The following TMC6 variants were observed in gnomAD, a reference collection of about 807,000 sequenced individuals.
TMC6 encodes transmembrane channel like 6.
TMC6 carries 71 observed loss-of-function variants against 95.4 expected under a neutral mutation model. The observed-to-expected ratio is 0.74, with a 90% confidence interval of 0.61 to 0.91. TMC6 has a LOEUF of 0.91. TMC6 is among the 40% of genes least tolerant of loss of function. TMC6 has a pLI of 0.00. For synonymous variants in TMC6, 514 were observed against 483.1 expected (o/e 1.06, Z -0.84); for missense variants, 1,074 against 1,079.1 (o/e 1.00, Z 0.07).
At chr17:78,131,850 T>C (rs1486084586), upstream of TMC6, 9 of 1,470,602 alleles carry the variant, frequency 6.1e-6, no homozygotes, top group Non-Finnish European at 7.2e-6. Context: ...GGCGGGTGAC[T>C]CAGGGGCGCC....
At position 78,126,258 on chromosome 17, in the gene TMC6, G is replaced by A. The variant is rs1265617239; in HGVS notation, c.271+19C>T. The A allele has an allele frequency of 2.6e-6, 4 of 1,547,716 alleles. No individual in the cohort carries two copies. The highest frequency in any genetic ancestry group is 1.9e-5 in the Admixed American group (1 of 51,484). The stretch of plus-strand genomic sequence containing the variant: ...AACTCGGGGCCGGGGCCGAGGCCGA[G>A]GCTGAGGGTCCCACTCACCAATGGT... On this transcript the variant is annotated intron_variant, in intron 4 of 19. Transcript: ENST00000590602.
rs750496364 is a variant in TMC6 at position 78,124,937 on chromosome 17, G to A, written c.585C>T (p.Ser195=). ...PRGKWRGQPG[S]GGVCSCCGRL... is the part of the protein sequence containing the mutation. ...GGCCACAGCAGGAGCAGACCCCGCCGCTGCCCGGCTGGCCCCTCCACTTCC... is the reference window on the plus strand; with the variant it reads ...GGCCACAGCAGGAGCAGACCCCGCCACTGCCCGGCTGGCCCCTCCACTTCC... Residue 195 remains serine, a synonymous_variant, in exon 7 of 20, where the codon AGC becomes AGT. Coordinates refer to ENST00000590602, the MANE Select transcript of TMC6 (RefSeq NM_001127198.5). The A allele has an allele frequency of 1.8e-5, 29 of 1,601,026 alleles. No individual in the cohort carries two copies. The highest frequency in any genetic ancestry group is 3.4e-5 in the Admixed American group (2 of 58,914).
Position 78,108,809 on chromosome 17 carries a change from T to C in TMC6, c.*4339A>G, listed in dbSNP as rs992230825. 6.6e-6 allele frequency: 1 copy of C among 152,222 alleles called. No individual in the cohort carries two copies. The highest frequency in any genetic ancestry group is 2.1e-4 in the South Asian group (1 of 4,834). The allele number at this position is 152,222 out of a possible 1,614,324, so 9.4% of individuals were successfully genotyped here. ...ATATTTTTTTAAGTTTATTAAATTT[T>C]TTTTTAAATGGCAGTTTCAGACCTG... On this transcript the variant is annotated 3_prime_UTR_variant, in exon 20 of 20. Transcript: ENST00000590602.
intron 8 of TMC6, 137 bp from the exon 9 acceptor site, chr17:78,124,316 G>C (rs2145335506): frequency 7.5e-7 from 1 of 1,340,162 alleles, no homozygotes; most frequent in Admixed American, 2.1e-5. Context: ...CTTGGCCACA[G>C]CAATCTTGGG....
At chr17:78,132,066 C>T (rs1311051432), upstream of TMC6, 2 of 1,534,828 alleles carry the variant, frequency 1.3e-6, no homozygotes, top group Middle Eastern at 1.7e-4. Context: ...CCCTTGCCCT[C>T]TCTGGAGCCC....
chr17:78,113,431 A>G, intron 19 of TMC6, 117 bp downstream of exon 19: 2 of 1,350,576 alleles, frequency 1.5e-6, no homozygotes, highest in Non-Finnish European at 2.1e-6. Flanking sequence ...TTGTAGGTCA[A>G]AAGCGGTCAA....
chr17:78,130,567 T>C (rs528988222), upstream of TMC6: 1 of 152,194 alleles, frequency 6.6e-6, no homozygotes, highest in Non-Finnish European at 1.5e-5. Flanking sequence ...AGGGGAAGGG[T>C]GGGCCACCCG....
chr17:78,120,506 G>A, intron 13 of TMC6, 147 bp downstream of exon 13: 1 of 1,246,634 alleles, frequency 8.0e-7, no homozygotes, highest in Non-Finnish European at 1.2e-6. Context: ...CTAAAAATGA[G>A]TTCGGTTCTA....
In TMC6 at chr17:78,121,595, G is replaced by A. The variant is rs146404867; in HGVS notation, c.1344C>T (p.Cys448=). The part of the protein sequence containing the change: ...WLLCLGTALG[C]AVAVHVFSEF... ...CCGAGAAGACGTGGACGGCCACGGC[G>A]CAGCCCAGCGCGGTCCCCAGACACA... is the stretch of plus-strand genomic sequence containing the variant. Residue 448 remains cysteine (C), a synonymous_variant, in exon 11 of 20, where the codon TGC becomes TGT. Transcript: ENST00000590602. The surrounding 1 kb of genome is among the most constrained non-coding windows in gnomAD (Gnocchi z 5.6). The A allele has an allele frequency of 1.2e-4, 201 of 1,611,314 alleles. No homozygotes were observed. Among genetic ancestry groups the A allele is most frequent in the Middle Eastern group, 1.8e-4 (1 of 5,506 alleles).
At chr17:78,124,355 A>G in intron 8 of TMC6, 169 bp downstream of exon 8, 2 of 1,337,244 alleles carry the variant, frequency 1.5e-6, no homozygotes, top group South Asian at 2.6e-5. Flanking sequence ...CCCCAGCACG[A>G]TGAGCATCCA....
chr17:78,115,556 A>G (rs910430054), intron 18 of TMC6, among the ~76,000 whole-genome samples: 2 of 152,010 alleles, frequency 1.3e-5, no homozygotes, highest in South Asian at 2.1e-4. Context: ...CCGGGGGGAA[A>G]GTGCCTTGTC....
At chr17:78,127,881 C>T (rs1392984768) in intron 1 of TMC6, among the ~76,000 whole-genome samples, 1 of 152,240 alleles carries the variant, frequency 6.6e-6, no homozygotes, top group Non-Finnish European at 1.5e-5. Context: ...CCCACACCAC[C>T]CCCTCCCTCC....
At chr17:78,130,072 G>C (rs1164527574), upstream of TMC6, among the ~76,000 whole-genome samples, 2 of 152,212 alleles carry the variant, frequency 1.3e-5, no homozygotes, top group African/African-American at 4.8e-5. Context: ...GAGCAGAGAG[G>C]AAGGGCTGCG....
chr17:78,124,557 G>C lies in TMC6; in HGVS notation c.858C>G (p.Pro286=). 2 of 1,611,868 alleles carry C rather than the reference G, an allele frequency of 1.2e-6. No individual in the cohort carries two copies. The highest frequency in any genetic ancestry group is 1.1e-5 in the South Asian group (1 of 91,016). The part of the protein sequence containing the change: ...AFPPALPGPA[P]VCTGLELLTG... ...TGAGGAGCTCCAGGCCTGTGCAGAC[G>C]GGGGCAGGGCCCGGCAGGGCGGGTG... The change falls in exon 8 of 20, where the codon CCC becomes CCG. Residue 286 remains proline, a synonymous_variant. Coordinates refer to ENST00000590602, the MANE Select transcript of TMC6 (RefSeq NM_001127198.5).
In TMC6 at chr17:78,121,766, C is replaced by A; in HGVS notation, c.1228-55G>T. ...ACACCAGAGCACGGGCACACGCAGA[C>A]GTGCAGACACAGCACAACACACACA... On this transcript the variant is annotated intron_variant, in intron 10 of 19. Transcript: ENST00000590602. The surrounding 1 kb of genome is among the most constrained non-coding windows in gnomAD (Gnocchi z 5.6). 6.6e-7 allele frequency: 1 copy of A among 1,525,844 alleles called. No individual in the cohort carries two copies. The highest frequency in any genetic ancestry group is 2.0e-5 in the Admixed American group (1 of 50,254). 94.5% of individuals were successfully genotyped at this position (1,525,844 alleles called of 1,614,324 possible).
At chr17:78,120,224 A>G (rs1395888155) in intron 13 of TMC6, 3 of 350,242 alleles carry the variant, frequency 8.6e-6, no homozygotes, top group Non-Finnish European at 1.7e-5. Context: ...CAGAGGCGCA[A>G]TCTCAGCTCA....
rs2073871747 is a variant in TMC6 at position 78,113,093 on chromosome 17, G to A, written c.*55C>T. Reference sequence around the variant, plus strand: ...GGTGTCCCAGCAGGGTCACTGGGAGGCAACAGTGTGGTCTCAGGGTGCTGG... The same window carrying A: ...GGTGTCCCAGCAGGGTCACTGGGAGACAACAGTGTGGTCTCAGGGTGCTGG... On this transcript the variant is annotated 3_prime_UTR_variant, in exon 20 of 20. Coordinates refer to ENST00000590602, the MANE Select transcript of TMC6 (RefSeq NM_001127198.5). The A allele has an allele frequency of 6.5e-7, 1 of 1,538,222 alleles. No individual in the cohort carries two copies. Among genetic ancestry groups the A allele is most frequent in the Non-Finnish European group, 8.8e-7 (1 of 1,136,046 alleles).
intron 5 of TMC6, 144 bp downstream of exon 5, chr17:78,125,582 G>T: frequency 1.5e-6 from 2 of 1,293,318 alleles, no homozygotes; most frequent in Non-Finnish European, 2.1e-6. Flanking sequence ...AGAGGGACGG[G>T]GGGGCCTTCA....
chr17:78,131,552 C>T, upstream of TMC6: 13 of 1,538,616 alleles, frequency 8.4e-6, no homozygotes, highest in African/African-American at 1.4e-5. Flanking sequence ...CCCCCACCGG[C>T]AGCCCGGCGC....
Sources: allele counts gnomAD v4.1 joint callset (sites outside exome capture counted in the v4.1 genomes callset), GRCh38; gene constraint gnomAD v4.1.1; non-coding constraint Gnocchi (gnomAD v3.1); transcripts MANE v1.5; gene names NCBI Gene and HGNC (gene_info 2026-07-23, HGNC 2026-07-21).